Variants in BRINP3 observed in about 807,000 individuals in gnomAD.
BRINP3 encodes BMP/retinoic acid inducible neural specific 3.
In BRINP3, 19 loss-of-function variants were observed where a neutral mutation model predicts 71.0. The ratio of observed to expected loss-of-function variants is 0.27; its 90% CI spans 0.19 to 0.39. The LOEUF (loss-of-function observed/expected upper bound fraction) is 0.39, where lower values mean the gene tolerates loss of function less well. Among genes scored for constraint, BRINP3 ranks in the 10% least tolerant of loss-of-function variants. BRINP3 has a pLI of 1.00. For synonymous variants in BRINP3, 380 were observed against 337.7 expected, an observed-to-expected ratio of 1.13 and a Z score of -1.37; for missense variants, 959 against 940.8, an observed-to-expected ratio of 1.02 and a Z score of -0.25.
At chr1:190,196,380 A>T (rs1446095850) in intron 6 of BRINP3, among the ~76,000 whole-genome samples, 1 of 152,154 alleles carries the variant, frequency 6.6e-6, no homozygotes, top group African/African-American at 2.4e-5. Context: ...CTAATGTGAC[A>T]TTTACTATCT....
rs570678447 is a variant in BRINP3 at position 190,102,410 on chromosome 1, T to C, written c.1185-3276A>G. Among the ~76,000 whole-genome samples the C allele has an allele frequency of 4.6e-5, 7 of 152,294 alleles. No homozygotes were observed. In the East Asian group the frequency reaches 1.4e-3, roughly 29 times the overall value. ...CACTTTGTTTCTTTTTATGCTTAAG[T>C]ATTAACACAAATAAAAGAAGCCACA... is the stretch of plus-strand genomic sequence containing the variant. On this transcript the variant is annotated intron_variant, in intron 7 of 7. Transcript: ENST00000367462.
Position 190,438,211 on chromosome 1 carries a change from A to C in BRINP3, c.236+16444T>G, listed in dbSNP as rs1397064261. Among the ~76,000 whole-genome samples, 3 of 151,578 alleles carry C rather than the reference A, an allele frequency of 2.0e-5. No homozygotes were observed. In the East Asian group the frequency reaches 5.8e-4, roughly 29 times the overall value. ...CATTCTTTAATCATTGTACAATATT[A>C]AATGTAACCTTTAGCTGCTTTGACA... On this transcript the variant is annotated intron_variant, in intron 2 of 7. Coordinates refer to ENST00000367462, the MANE Select transcript of BRINP3 (RefSeq NM_199051.3).
intron 6 of BRINP3, among the ~76,000 whole-genome samples, chr1:190,206,996 GT>G (rs201843251): frequency 1.1e-3 from 149 of 135,434 alleles, no homozygotes; most frequent in African/African-American, 3.1e-3. Context: ...TTGTTTTTTT[GT>G]TTTTTTTTTT....
chr1:190,385,286 A>AACAG (rs1157779564), intron 2 of BRINP3, among the ~76,000 whole-genome samples: 1 of 152,172 alleles, frequency 6.6e-6, no homozygotes, highest in African/African-American at 2.4e-5. Flanking sequence ...CATCAGAGTG[A>AACAG]ACAGACAGCC....
chr1:190,353,245 C>G (rs756540168), intron 2 of BRINP3, among the ~76,000 whole-genome samples: 33 of 151,932 alleles, frequency 2.2e-4, no homozygotes, highest in Non-Finnish European at 4.1e-4. Flanking sequence ...ATTAATAATA[C>G]AAAATTCACA....
chr1:190,405,067 T>C (rs1354060808), intron 2 of BRINP3, among the ~76,000 whole-genome samples: 1 of 152,188 alleles, frequency 6.6e-6, no homozygotes, highest in Non-Finnish European at 1.5e-5. Context: ...GGTTAGAAAG[T>C]ACATCCATGT....
At chr1:190,132,901 C>T (rs10753936) in intron 7 of BRINP3, among the ~76,000 whole-genome samples, 58,344 of 151,848 alleles carry the variant, frequency 0.38, 11,937 homozygotes, top group Non-Finnish European at 0.47. Flanking sequence ...CCAGCTAACA[C>T]GTCATAAGGA....
intron 2 of BRINP3, among the ~76,000 whole-genome samples, chr1:190,329,691 A>C (rs890801446): frequency 1.3e-5 from 2 of 152,082 alleles, no homozygotes; most frequent in African/African-American, 2.4e-5. Context: ...TGAATAGCCA[A>C]AGCAACCCTG....
chr1:190,100,083 T>A (rs1202991840), intron 7 of BRINP3, among the ~76,000 whole-genome samples: 1 of 152,152 alleles, frequency 6.6e-6, no homozygotes, highest in African/African-American at 2.4e-5. Flanking sequence ...CACACAGTTC[T>A]CTCATATGAA....
chr1:190,348,123 T>C (rs1668143255), intron 2 of BRINP3, among the ~76,000 whole-genome samples: 3 of 152,122 alleles, frequency 2.0e-5, no homozygotes, highest in Non-Finnish European at 4.4e-5. Flanking sequence ...AGAGAAGCTT[T>C]TGTTCAACAG....
intron 2 of BRINP3, among the ~76,000 whole-genome samples, chr1:190,287,223 C>G (rs1013016652): frequency 8.5e-5 from 13 of 152,058 alleles, no homozygotes; most frequent in Admixed American, 6.6e-4. Context: ...GAGACTCCAT[C>G]TCAAAAAACA....
At chr1:190,224,751 C>T (rs1347612960) in intron 6 of BRINP3, among the ~76,000 whole-genome samples, 1 of 151,856 alleles carries the variant, frequency 6.6e-6, no homozygotes, top group Non-Finnish European at 1.5e-5. Flanking sequence ...GATTAATAAC[C>T]AGAATACATA....
At chr1:190,427,475 T>C (rs1285191912) in intron 2 of BRINP3, among the ~76,000 whole-genome samples, 1 of 152,060 alleles carries the variant, frequency 6.6e-6, no homozygotes, top group East Asian at 1.9e-4. Context: ...AATAGTTGAA[T>C]GTAAATCACA....
At chr1:190,247,325 T>A (rs1040106584) in intron 4 of BRINP3, among the ~76,000 whole-genome samples, 1 of 151,896 alleles carries the variant, frequency 6.6e-6, no homozygotes, top group East Asian at 1.9e-4. Context: ...TTTACAAATA[T>A]GCATTTTTGT....
chr1:190,421,923 A>G (rs1362289959), intron 2 of BRINP3, among the ~76,000 whole-genome samples: 1 of 151,628 alleles, frequency 6.6e-6, no homozygotes, highest in Non-Finnish European at 1.5e-5. Flanking sequence ...CTTCTTTGCT[A>G]TTTTAGAGAC....
intron 6 of BRINP3, among the ~76,000 whole-genome samples, chr1:190,187,767 T>C (rs973462857): frequency 6.6e-6 from 1 of 152,088 alleles, no homozygotes; most frequent in African/African-American, 2.4e-5. Context: ...TTTGTGTTTT[T>C]CTTTTTTTTC....
At chr1:190,280,564 G>GCTGA (rs1662959535) in intron 3 of BRINP3, among the ~76,000 whole-genome samples, 1 of 151,834 alleles carries the variant, frequency 6.6e-6, no homozygotes, top group Non-Finnish European at 1.5e-5. Context: ...GACATGACTT[G>GCTGA]CTGAAAGACT....
At chr1:190,443,925 A>T (rs978778361) in intron 2 of BRINP3, among the ~76,000 whole-genome samples, 2 of 152,080 alleles carry the variant, frequency 1.3e-5, no homozygotes, top group Admixed American at 1.3e-4. Context: ...CGTGGACAGG[A>T]ACTTTGCTAT....
intron 6 of BRINP3, among the ~76,000 whole-genome samples, chr1:190,202,617 A>G (rs572606605): frequency 1.3e-5 from 2 of 152,116 alleles, no homozygotes; most frequent in East Asian, 3.9e-4. Context: ...TGTGGGAGGG[A>G]CCTCATGGGG....
Sources: gnomAD v4.1 joint callset for allele counts (sites outside exome capture counted in the v4.1 genomes callset) on GRCh38, gnomAD v4.1.1 for gene constraint, MANE v1.5 for transcripts, NCBI Gene and HGNC (gene_info 2026-07-23, HGNC 2026-07-21) for gene names.